Variants in SIPA1L2 observed in about 807,000 individuals in gnomAD.
The protein encoded by SIPA1L2 is signal-induced proliferation-associated 1-like protein 2.
In SIPA1L2, 56 loss-of-function variants were observed where a neutral mutation model predicts 163.9. That is an observed-to-expected ratio of 0.34 (90% confidence interval 0.28 to 0.43). The LOEUF is 0.43. Among genes scored for constraint, SIPA1L2 ranks in the 20% least tolerant of loss-of-function variants. The pLI is 1.00. For synonymous variants in SIPA1L2, 877 were observed against 865.7 expected, an observed-to-expected ratio of 1.01 and a Z score of -0.23; for missense variants, 1,974 against 2,193.5, an observed-to-expected ratio of 0.90 and a Z score of 2.00.
intron 1 of SIPA1L2, among the ~76,000 whole-genome samples, chr1:232,597,496 T>G (rs1316502478): frequency 6.9e-6 from 1 of 144,734 alleles, no homozygotes; most frequent in East Asian, 2.0e-4. Flanking sequence ...GCTAACACGG[T>G]GAAACCCCGT....
chr1:232,586,664 G>A (rs368699808), intron 1 of SIPA1L2, among the ~76,000 whole-genome samples: 7 of 152,156 alleles, frequency 4.6e-5, no homozygotes, highest in African/African-American at 1.7e-4. Context: ...ATTCTTCTAG[G>A]CATGAAAGCT....
intron 1 of SIPA1L2, among the ~76,000 whole-genome samples, chr1:232,590,800 C>T (rs576736544): frequency 1.4e-3 from 213 of 152,280 alleles, no homozygotes; most frequent in Non-Finnish European, 2.1e-3. Flanking sequence ...TCATATCGAA[C>T]AGTGAATTCT....
chr1:232,598,162 G>A (rs1253422140), intron 1 of SIPA1L2, among the ~76,000 whole-genome samples: 1 of 151,824 alleles, frequency 6.6e-6, no homozygotes, highest in Non-Finnish European at 1.5e-5. Flanking sequence ...GACACTTTGG[G>A]AGGCCAAGAC....
At chr1:232,558,158 G>T (rs1382128480) in intron 2 of SIPA1L2, among the ~76,000 whole-genome samples, 3 of 152,198 alleles carry the variant, frequency 2.0e-5, no homozygotes, top group Non-Finnish European at 4.4e-5. Context: ...AACCCACTGA[G>T]ATTTACACTT....
At chr1:232,431,520 C>T (rs1012491269) in intron 16 of SIPA1L2, among the ~76,000 whole-genome samples, 1 of 152,206 alleles carries the variant, frequency 6.6e-6, no homozygotes, top group Non-Finnish European at 1.5e-5. Context: ...CCACGCTCAG[C>T]ACCACACGCC....
chr1:232,525,378 G>A (rs1443247320), intron 2 of SIPA1L2, among the ~76,000 whole-genome samples: 1 of 150,760 alleles, frequency 6.6e-6, no homozygotes, highest in Non-Finnish European at 1.5e-5. Context: ...TGGGATTACA[G>A]GCACCCGCCA....
At chr1:232,435,555 G>T (rs1662509680) in intron 15 of SIPA1L2, among the ~76,000 whole-genome samples, 1 of 152,208 alleles carries the variant, frequency 6.6e-6, no homozygotes, top group African/African-American at 2.4e-5. Context: ...CCAGGAGAAA[G>T]GTACGGTGGC....
chr1:232,443,523 G>T, intron 12 of SIPA1L2, 79 bp downstream of exon 12: 2 of 1,109,138 alleles, frequency 1.8e-6, no homozygotes, highest in Non-Finnish European at 2.5e-6. Context: ...GGTACAGAAG[G>T]CACACAGTAA....
intron 15 of SIPA1L2, among the ~76,000 whole-genome samples, chr1:232,437,495 T>C (rs947882074): frequency 2.0e-5 from 3 of 152,230 alleles, no homozygotes; most frequent in African/African-American, 4.8e-5. Context: ...ATAATCTTCA[T>C]ATCCTAAGCT....
rs74431183 is a variant in SIPA1L2 at position 232,523,076 on chromosome 1, G to C, written c.-269-7468C>G. On this transcript the variant is annotated intron_variant, in intron 2 of 22. Coordinates refer to ENST00000674635, the MANE Select transcript of SIPA1L2 (RefSeq NM_020808.5). Reference sequence around the variant, plus strand: ...CTCTTCCCAACTACAACTTACATTTGAAATTATTTGAGAGACTTTATACTG... The same window carrying C: ...CTCTTCCCAACTACAACTTACATTTCAAATTATTTGAGAGACTTTATACTG... 1.2e-3 allele frequency among the ~76,000 whole-genome samples: 178 copies of C among 152,292 alleles called. 2 individuals are homozygous for C. In the East Asian group the frequency reaches 0.019, roughly 16 times the overall value.
chr1:232,615,508 G>A (rs1662456082), intron 1 of SIPA1L2, among the ~76,000 whole-genome samples: 3 of 152,160 alleles, frequency 2.0e-5, no homozygotes, highest in Admixed American at 2.0e-4. Context: ...GAAAGCCAGA[G>A]GGCCCTGCAG....
At chr1:232,482,608 A>G (rs1665419768) in intron 6 of SIPA1L2, among the ~76,000 whole-genome samples, 1 of 152,184 alleles carries the variant, frequency 6.6e-6, no homozygotes, top group Non-Finnish European at 1.5e-5. Flanking sequence ...TAGGGGGCCC[A>G]TGTGTGAGTT....
At chr1:232,556,591 AAAAC>A (rs1428455432) in intron 2 of SIPA1L2, among the ~76,000 whole-genome samples, 1 of 152,208 alleles carries the variant, frequency 6.6e-6, no homozygotes, top group Non-Finnish European at 1.5e-5. Flanking sequence ...TCATCCGGGA[AAAAC>A]AAACAGAGAC....
chr1:232,566,716 A>G (rs1482731604), intron 2 of SIPA1L2, among the ~76,000 whole-genome samples: 1 of 152,244 alleles, frequency 6.6e-6, no homozygotes, highest in African/African-American at 2.4e-5. Context: ...GCAAAACAGA[A>G]AAGAATCCAA....
At chr1:232,430,375 A>T (rs1662159713) in intron 16 of SIPA1L2, among the ~76,000 whole-genome samples, 1 of 152,242 alleles carries the variant, frequency 6.6e-6, no homozygotes, top group Non-Finnish European at 1.5e-5. Context: ...GATATTATTT[A>T]AAAATGTAAG....
chr1:232,557,693 A>G (rs1380194889), intron 2 of SIPA1L2, among the ~76,000 whole-genome samples: 1 of 152,186 alleles, frequency 6.6e-6, no homozygotes, highest in East Asian at 1.9e-4. Context: ...CAACATTACC[A>G]TTATTTATTT....
chr1:232,620,872 A>G (rs1017043090), intron 1 of SIPA1L2, among the ~76,000 whole-genome samples: 1 of 152,258 alleles, frequency 6.6e-6, no homozygotes, highest in African/African-American at 2.4e-5. Context: ...TACATAGGCT[A>G]CATCTGCAAG....
At chr1:232,568,066 T>C (rs1389582818) in intron 2 of SIPA1L2, among the ~76,000 whole-genome samples, 1 of 152,198 alleles carries the variant, frequency 6.6e-6, no homozygotes, top group African/African-American at 2.4e-5. Context: ...CCTATGCATT[T>C]CATCTGTAGA....
intron 3 of SIPA1L2, among the ~76,000 whole-genome samples, chr1:232,500,492 C>T (rs1037148783): frequency 6.6e-6 from 1 of 152,172 alleles, no homozygotes; most frequent in Non-Finnish European, 1.5e-5. Flanking sequence ...TAGAAGGTGG[C>T]TCCAACCCTC....
Sources: gnomAD v4.1 joint callset for allele counts (sites outside exome capture counted in the v4.1 genomes callset) on GRCh38, gnomAD v4.1.1 for gene constraint, MANE v1.5 for transcripts, NCBI Gene and HGNC (gene_info 2026-07-23, HGNC 2026-07-21) for gene names.